Variants in BEND5 observed in about 807,000 individuals in gnomAD.
The protein encoded by BEND5 is BEN domain-containing protein 5.
A neutral mutation model predicts 43.9 loss-of-function variants in BEND5; 22 were observed. The ratio of observed to expected loss-of-function variants is 0.50; its 90% CI spans 0.36 to 0.72. The LOEUF is 0.72. BEND5 is among the 30% of genes least tolerant of loss of function. The pLI is 0.00. For missense variants in BEND5, 428 were observed against 550.6 expected, an observed-to-expected ratio of 0.78 and a Z score of 2.23; for synonymous variants, 228 against 225.9, an observed-to-expected ratio of 1.01 and a Z score of -0.08.
At chr1:48,763,666 C>A (rs928640262) in intron 1 of BEND5, among the ~76,000 whole-genome samples, 1 of 152,168 alleles carries the variant, frequency 6.6e-6, no homozygotes, top group Non-Finnish European at 1.5e-5. Flanking sequence ...TGCCTTCCTG[C>A]GCTGAAACTC....
chr1:48,731,015 A>T (rs1334511875), intron 5 of BEND5, among the ~76,000 whole-genome samples: 1 of 152,188 alleles, frequency 6.6e-6, no homozygotes, highest in East Asian at 1.9e-4. Context: ...CGGGTAAGGA[A>T]CTATTTTAAA....
intron 1 of BEND5, among the ~76,000 whole-genome samples, chr1:48,764,654 G>A (rs560183964): frequency 1.3e-5 from 2 of 152,192 alleles, no homozygotes; most frequent in African/African-American, 4.8e-5. Flanking sequence ...TAAACTAGGC[G>A]TCAGACAACC....
At chr1:48,769,754 C>T (rs1412116508) in intron 1 of BEND5, among the ~76,000 whole-genome samples, 1 of 152,104 alleles carries the variant, frequency 6.6e-6, no homozygotes, top group Non-Finnish European at 1.5e-5. Context: ...GATATTTTTC[C>T]ATATTATCCT....
At chr1:48,761,495 G>T (rs1443516523) in intron 1 of BEND5, 25 bp from the exon 2 acceptor site, 12 of 1,544,220 alleles carry the variant, frequency 7.8e-6, no homozygotes, top group Non-Finnish European at 1.0e-5. Flanking sequence ...AAGAGAACAA[G>T]GTTCATCATG....
rs777996088 is a variant in BEND5 at position 48,761,340 on chromosome 1, G to C, written c.357C>G (p.Ile119Met). ...AAGAAAGGAAAGATTTTGTTACCTT[G>C]ATGTGTCTAAGCTGTAAATCTTCTT... The part of the protein sequence containing the change: ...YGEEDLQLRH[I>M]KRPEGRKPSE... The change falls in exon 2 of 6, where the codon ATC becomes ATG. Residue 119 changes from isoleucine to methionine, a missense_variant. Ile to Met is a conservative substitution (Grantham distance 10). This residue lies in a region of BEND5 where 243 missense variants were observed against 286.4 expected (regional missense o/e 0.85). Coordinates refer to ENST00000371833, the MANE Select transcript of BEND5 (RefSeq NM_024603.4). 283 of 1,548,084 alleles carry C rather than the reference G, an allele frequency of 1.8e-4. No individual in the cohort carries two copies. The highest frequency in any genetic ancestry group is 2.3e-4 in the Non-Finnish European group (264 of 1,145,680).
Position 48,776,884 on chromosome 1 carries a change from G to T in BEND5, c.-53C>A. ...GGGCAGCTCAGCCCGCGGGGCGGGC[G>T]CGGAGGTGGGGATCCGGCGGGGGGC... On this transcript the variant is annotated 5_prime_UTR_variant, in exon 1 of 6. Transcript: ENST00000371833. 1 of 1,263,392 alleles carries T rather than the reference G, an allele frequency of 7.9e-7. No individual in the cohort carries two copies. Among genetic ancestry groups the T allele is most frequent in the Non-Finnish European group, 1.1e-6 (1 of 937,164 alleles). 78.3% of individuals were successfully genotyped at this position (1,263,392 alleles called of 1,614,324 possible).
At chr1:48,751,582 TC>T (rs1422269712) in intron 3 of BEND5, among the ~76,000 whole-genome samples, 1 of 152,216 alleles carries the variant, frequency 6.6e-6, no homozygotes, top group African/African-American at 2.4e-5. Flanking sequence ...AAGCAGGTAT[TC>T]CTAGAAACCA....
chr1:48,766,416 T>C (rs964077437), intron 1 of BEND5, among the ~76,000 whole-genome samples: 2 of 152,148 alleles, frequency 1.3e-5, no homozygotes, highest in African/African-American at 4.8e-5. Context: ...GTTGAGGACA[T>C]CTAAATTCCC....
At chr1:48,769,526 AACACAC>A (rs558937968) in intron 1 of BEND5, among the ~76,000 whole-genome samples, 1,767 of 130,304 alleles carry the variant, frequency 0.014, 35 homozygotes, top group African/African-American at 0.045. Flanking sequence ...GAGGATTTAA[AACACAC>A]ACACACACAC....
chr1:48,759,037 T>C lies in BEND5; in HGVS notation c.608A>G (p.Glu203Gly). 1 of 1,614,050 alleles carries C rather than the reference T, an allele frequency of 6.2e-7. No homozygotes were observed. Among genetic ancestry groups the C allele is most frequent in the Non-Finnish European group, 8.5e-7 (1 of 1,179,998 alleles). Reference protein sequence around the residue: ...QQEEMRHLQQELERTRRQLVQ... With the variant: ...QQEEMRHLQQGLERTRRQLVQ... Reference sequence around the variant, plus strand: ...CAGCTGCCTCCGAGTCCGCTCCAGCTCCTGCTGGAGGTGGCGCATCTCTTC... The same window carrying C: ...CAGCTGCCTCCGAGTCCGCTCCAGCCCCTGCTGGAGGTGGCGCATCTCTTC... Residue 203 changes from glutamate to glycine, a missense_variant, in exon 3 of 6, where the codon GAG becomes GGG. Glu to Gly is a moderately conservative substitution (Grantham distance 98, BLOSUM62 -2). Around this residue, in one of 4 missense-constraint regions of BEND5, gnomAD observed 243 missense variants for 286.4 expected, o/e 0.85. Transcript: ENST00000371833.
At chr1:48,730,040 C>T (rs1647847829) in intron 5 of BEND5, among the ~76,000 whole-genome samples, 1 of 152,186 alleles carries the variant, frequency 6.6e-6, no homozygotes, top group Non-Finnish European at 1.5e-5. Context: ...TCTACTCATT[C>T]TTCCAGATTC....
chr1:48,740,129 T>G (rs938847494), intron 4 of BEND5, among the ~76,000 whole-genome samples: 3 of 152,228 alleles, frequency 2.0e-5, no homozygotes, highest in African/African-American at 7.2e-5. Flanking sequence ...TTTCTGACAT[T>G]CACTCAAGTA....
chr1:48,735,035 C>T (rs1171866433), intron 5 of BEND5, among the ~76,000 whole-genome samples: 1 of 152,208 alleles, frequency 6.6e-6, no homozygotes, highest in Non-Finnish European at 1.5e-5. Flanking sequence ...TTCTGTGTCT[C>T]AGTTTCCTTG....
intron 1 of BEND5, among the ~76,000 whole-genome samples, chr1:48,770,403 C>T (rs928726331): frequency 2.6e-5 from 4 of 152,154 alleles, no homozygotes; most frequent in African/African-American, 9.7e-5. Context: ...GCTGGTTATC[C>T]CCTGATTCTA....
chr1:48,734,595 A>T (rs1648715589), intron 5 of BEND5, among the ~76,000 whole-genome samples: 1 of 152,058 alleles, frequency 6.6e-6, no homozygotes, highest in African/African-American at 2.4e-5. Flanking sequence ...CATCCCAGCC[A>T]TCTGGGGCTT....
At position 48,736,371 on chromosome 1, in the gene BEND5, T is replaced by A; in HGVS notation, c.976A>T (p.Lys326Ter). Residue 326 changes from lysine to a stop codon, truncating the protein, a stop_gained, in exon 5 of 6, where the codon AAG (lysine) becomes TAG (stop). Transcript: ENST00000371833. LOFTEE classifies it high-confidence loss of function. The surrounding 1 kb of genome is among the most constrained non-coding windows in gnomAD (Gnocchi z 4.0). ...CCCCAAATCATAACTGCCAAGTTCT[T>A]CGTGTACTTGGAATCTCCTTGGGTT... ...QVTQGDSKYT[K>*]NLAVMIWGTD... is the part of the protein sequence containing the mutation. The A allele has an allele frequency of 6.2e-7, 1 of 1,614,180 alleles. No individual in the cohort carries two copies.
chr1:48,729,468 C>T (rs187860561), intron 5 of BEND5, among the ~76,000 whole-genome samples: 49 of 152,202 alleles, frequency 3.2e-4, no homozygotes, highest in African/African-American at 1.2e-3. Context: ...TGAGGAATTG[C>T]TATGGAGAAC....
At position 48,727,789 on chromosome 1, in the gene BEND5, C is replaced by A; in HGVS notation, c.*97G>T. On this transcript the variant is annotated 3_prime_UTR_variant, in exon 6 of 6. Transcript: ENST00000371833. ...AACCCGATGGATCCCTGCACACACA[C>A]CACCATGCACGGTGGGGTCTGATTT... is the stretch of plus-strand genomic sequence containing the variant. The A allele has an allele frequency of 8.2e-7, 1 of 1,213,778 alleles. No homozygotes were observed. The allele number at this position is 1,213,778 out of a possible 1,614,324, so 75.2% of individuals were successfully genotyped here.
chr1:48,741,340 T>G (rs1322329810), intron 4 of BEND5, among the ~76,000 whole-genome samples: 1 of 152,128 alleles, frequency 6.6e-6, no homozygotes, highest in African/African-American at 2.4e-5. Context: ...CCCAGAGAAG[T>G]GAAGGATCTT....
Sources: gnomAD v4.1 joint callset for allele counts (sites outside exome capture counted in the v4.1 genomes callset) on GRCh38, gnomAD v4.1.1 for gene constraint, gnomAD v4.1.1 regional missense constraint, Gnocchi (gnomAD v3.1) non-coding constraint, MANE v1.5 for transcripts, NCBI Gene and HGNC (gene_info 2026-07-23, HGNC 2026-07-21) for gene names.